The following PRKCE variants were observed in gnomAD, a reference collection of about 807,000 sequenced individuals.
PRKCE encodes protein kinase C epsilon type.
Under a neutral mutation model 85.4 loss-of-function variants are expected in PRKCE, and 16 were observed. The observed-to-expected ratio is 0.19, with a 90% CI of 0.13 to 0.28. PRKCE has a LOEUF of 0.28. PRKCE is among the 10% of genes least tolerant of loss of function. The pLI is 1.00. For synonymous variants in PRKCE, 388 were observed against 371.5 expected (o/e 1.04, Z -0.51); for missense variants, 573 against 975.2 (o/e 0.59, Z 5.49).
chr2:45,728,526 G>T (rs1681281752), intron 1 of PRKCE, among the ~76,000 whole-genome samples: 1 of 152,232 alleles, frequency 6.6e-6, no homozygotes, highest in East Asian at 1.9e-4. Flanking sequence ...AAGTGCTATT[G>T]GGTGTCATTT....
intron 11 of PRKCE, among the ~76,000 whole-genome samples, chr2:46,109,233 T>G (rs372611406): frequency 6.8e-4 from 104 of 152,322 alleles, no homozygotes; most frequent in African/African-American, 2.1e-3. Context: ...GCAAATTAGC[T>G]TCCTGGGATT....
intron 11 of PRKCE, among the ~76,000 whole-genome samples, chr2:46,091,676 T>C (rs1324551697): frequency 6.6e-6 from 1 of 152,194 alleles, no homozygotes; most frequent in African/African-American, 2.4e-5. Flanking sequence ...CACAAAGTCG[T>C]AGGGATTTCA....
intron 10 of PRKCE, chr2:46,011,091 GAGT>G (rs1367857921): frequency 1.5e-5 from 6 of 412,684 alleles, no homozygotes; most frequent in Non-Finnish European, 2.2e-5. Context: ...AGTCTGACTC[GAGT>G]ATTATTAACT....
chr2:45,664,224 G>A (rs1480842142), intron 1 of PRKCE, among the ~76,000 whole-genome samples: 1 of 152,210 alleles, frequency 6.6e-6, no homozygotes, highest in African/African-American at 2.4e-5. Context: ...ATAGTGGTTT[G>A]TCCAAGTTCA....
chr2:45,817,484 G>C (rs1219358387), intron 1 of PRKCE, among the ~76,000 whole-genome samples: 1 of 152,076 alleles, frequency 6.6e-6, no homozygotes, highest in African/African-American at 2.4e-5. Context: ...ACGAGGTCAG[G>C]AGATCGAGAC....
chr2:45,759,208 A>G (rs1279872426), intron 1 of PRKCE, among the ~76,000 whole-genome samples: 1 of 152,224 alleles, frequency 6.6e-6, no homozygotes, highest in Non-Finnish European at 1.5e-5. Context: ...GGCAGTATTG[A>G]TAAAATGACA....
At chr2:46,081,132 C>T (rs535231107) in intron 10 of PRKCE, among the ~76,000 whole-genome samples, 1 of 152,300 alleles carries the variant, frequency 6.6e-6, no homozygotes, top group South Asian at 2.1e-4. Context: ...GCTGGAACTA[C>T]AGGCGTGCAC....
chr2:45,689,327 T>A (rs1313098203), intron 1 of PRKCE, among the ~76,000 whole-genome samples: 1 of 152,108 alleles, frequency 6.6e-6, no homozygotes, highest in Non-Finnish European at 1.5e-5. Flanking sequence ...TGATCATGAA[T>A]CAGAAAGTGC....
At chr2:46,086,905 A>G (rs1373337450) in intron 11 of PRKCE, among the ~76,000 whole-genome samples, 3 of 152,110 alleles carry the variant, frequency 2.0e-5, no homozygotes, top group Admixed American at 6.5e-5. Context: ...AGATCATCCA[A>G]TCCTTTATTA....
chr2:45,903,678 A>T (rs777176130), intron 2 of PRKCE, among the ~76,000 whole-genome samples: 2 of 152,222 alleles, frequency 1.3e-5, no homozygotes, highest in Non-Finnish European at 2.9e-5. Context: ...TAAGATGTTC[A>T]GGGAAGCCTA....
At chr2:46,131,022 C>T (rs1674396394) in intron 11 of PRKCE, among the ~76,000 whole-genome samples, 1 of 152,216 alleles carries the variant, frequency 6.6e-6, no homozygotes, top group South Asian at 2.1e-4. Flanking sequence ...ATGTAACTTA[C>T]TAATATTTCA....
chr2:45,924,680 C>T (rs1002958614), intron 2 of PRKCE, among the ~76,000 whole-genome samples: 8 of 152,242 alleles, frequency 5.3e-5, no homozygotes, highest in African/African-American at 1.7e-4. Context: ...GGCAAATAAT[C>T]TTCTTTCAGT....
intron 10 of PRKCE, among the ~76,000 whole-genome samples, chr2:46,064,240 C>T (rs529660711): frequency 7.9e-4 from 116 of 146,158 alleles, no homozygotes; most frequent in Middle Eastern, 3.6e-3. Context: ...CAAGATCATA[C>T]CACTGCATTC....
At chr2:45,689,832 G>A (rs1275047077) in intron 1 of PRKCE, among the ~76,000 whole-genome samples, 1 of 150,464 alleles carries the variant, frequency 6.6e-6, no homozygotes, top group Non-Finnish European at 1.5e-5. Context: ...GGAGGCAGAG[G>A]TTGCAGTGAG....
At chr2:46,142,047 G>A (rs1026463999) in intron 11 of PRKCE, among the ~76,000 whole-genome samples, 1 of 152,212 alleles carries the variant, frequency 6.6e-6, no homozygotes, top group Non-Finnish European at 1.5e-5. Flanking sequence ...TCCTGGGGCA[G>A]GAATGAGGAG....
At chr2:45,711,979 C>T (rs1679681014) in intron 1 of PRKCE, among the ~76,000 whole-genome samples, 1 of 151,800 alleles carries the variant, frequency 6.6e-6, no homozygotes, top group Admixed American at 6.6e-5. Flanking sequence ...GACAAATACT[C>T]CTATTTCACT....
intron 14 of PRKCE, among the ~76,000 whole-genome samples, chr2:46,181,711 A>G (rs1679993556): frequency 2.6e-5 from 4 of 152,232 alleles, no homozygotes; most frequent in African/African-American, 9.6e-5. Context: ...GTGAAACACA[A>G]TCAGGTAAAT....
At chr2:46,172,020 C>T (rs910085052) in intron 14 of PRKCE, among the ~76,000 whole-genome samples, 5 of 152,218 alleles carry the variant, frequency 3.3e-5, no homozygotes, top group Admixed American at 6.5e-5. Context: ...GCAGCAGACA[C>T]GTCCCTTGAG....
intron 10 of PRKCE, among the ~76,000 whole-genome samples, chr2:46,076,195 T>C (rs1668546004): frequency 6.6e-6 from 1 of 152,208 alleles, no homozygotes. Flanking sequence ...CATTCCTGCT[T>C]AACTTTAGAT....
Sources: allele counts gnomAD v4.1 joint callset (sites outside exome capture counted in the v4.1 genomes callset), GRCh38; gene constraint gnomAD v4.1.1; transcripts MANE v1.5; gene names NCBI Gene and HGNC (gene_info 2026-07-23, HGNC 2026-07-21).